Variants in WBP2NL observed in about 807,000 individuals in gnomAD.
WBP2NL encodes the protein postacrosomal sheath WW domain-binding protein.
In WBP2NL, 27 loss-of-function variants were observed where a neutral mutation model predicts 23.3. The observed-to-expected ratio is 1.16, with a 90% CI of 0.85 to 1.60. The LOEUF (loss-of-function observed/expected upper bound fraction) is 1.60. Ranked by LOEUF, WBP2NL falls within the 40% of genes most tolerant of loss-of-function variation. WBP2NL has a pLI of 0.00. For synonymous variants in WBP2NL, 151 were observed against 145.9 expected (o/e 1.03, Z -0.25); for missense variants, 370 against 389.5 (o/e 0.95, Z 0.42).
chr22:42,016,408 T>C, intron 1 of WBP2NL, among the ~76,000 whole-genome samples: 1 of 152,214 alleles, frequency 6.6e-6, no homozygotes, highest in Admixed American at 6.5e-5. Flanking sequence ...TTTTTAAAAA[T>C]AAGTGTGTTC....
intron 8 of WBP2NL, among the ~76,000 whole-genome samples, chr22:42,039,303 T>C (rs371668798): frequency 1.3e-4 from 19 of 151,614 alleles, no homozygotes; most frequent in African/African-American, 4.6e-4. Context: ...GTCGAACTCC[T>C]GACCTCAGGT....
At chr22:42,049,695 CAAAACAAAACAAAA>C (rs1925749688) in intron 8 of WBP2NL, among the ~76,000 whole-genome samples, 7 of 22,876 alleles carry the variant, frequency 3.1e-4, no homozygotes, top group East Asian at 3.0e-3. Flanking sequence ...GTCTCCAAAA[CAAAACAAAACAAAA>C]AAAAAAAAAA....
chr22:42,044,507 A>C (rs1024168628), intron 8 of WBP2NL, among the ~76,000 whole-genome samples: 13 of 152,238 alleles, frequency 8.5e-5, no homozygotes, highest in Admixed American at 8.5e-4. Flanking sequence ...AAGATGAATA[A>C]AAATTTTGGT....
At position 42,026,817 on chromosome 22, in the gene WBP2NL, A is replaced by G. The variant is rs758853430; in HGVS notation, c.566A>G (p.Tyr189Cys). Residue 189 changes from tyrosine to cysteine, a missense_variant, in exon 6 of 6, where the codon TAC becomes TGC. By Grantham distance (194) the Tyr-to-Cys change is radical. Coordinates refer to ENST00000328823, the MANE Select transcript of WBP2NL (RefSeq NM_152613.3). ...GGATATGGAGCCCCACCTCCCGGAT[A>G]CGGAGCCCCACCTGCAGGATATGGA... ...PAGYGAPPPG[Y>C]GAPPAGYGAQ... 4.3e-6 allele frequency: 7 copies of G among 1,613,760 alleles called. No homozygotes were observed. The highest frequency in any genetic ancestry group is 5.1e-6 in the Non-Finnish European group (6 of 1,179,890).
At chr22:42,056,544 T>C (rs1926037636) in intron 8 of WBP2NL, among the ~76,000 whole-genome samples, 1 of 152,178 alleles carries the variant, frequency 6.6e-6, no homozygotes, top group Non-Finnish European at 1.5e-5. Flanking sequence ...CCTTTAGTAT[T>C]TTATGTAGGG....
rs561740117 is a variant in WBP2NL, at chr22:42,000,979, G to A, written c.62+2099G>A. 3.0e-5 allele frequency: 14 copies of A among 468,126 alleles called. No individual in the cohort carries two copies. In the South Asian group the frequency reaches 3.6e-4, roughly 12 times the overall value. The allele number at this position is 468,126 out of a possible 1,614,324, so 29.0% of individuals were successfully genotyped here. A position where few individuals can be genotyped will look rare whatever the true frequency, so the allele number is the denominator to read the frequency against. On this transcript the variant is annotated intron_variant, in intron 1 of 5. Coordinates refer to ENST00000328823, the MANE Select transcript of WBP2NL (RefSeq NM_152613.3). ...CTGCACTCCACCCTGGGCAATAGAGGGAGACTCCGTCTCAAAAAAAAAGAA... is the reference window on the plus strand; with the variant it reads ...CTGCACTCCACCCTGGGCAATAGAGAGAGACTCCGTCTCAAAAAAAAAGAA...
rs932634651 is a variant in WBP2NL, at chr22:42,027,519, T to G, written c.*338T>G. ...TTCCCATCCTCATTCAAGAAACATT[T>G]ATTATGCTCCGTTTGCTAGGCACTA... On this transcript the variant is annotated 3_prime_UTR_variant, in exon 6 of 6. Transcript: ENST00000328823. 2 of 310,356 alleles carry G rather than the reference T, an allele frequency of 6.4e-6. No homozygotes were observed. Among genetic ancestry groups the G allele is most frequent in the African/African-American group, 4.3e-5 (2 of 46,928 alleles). The allele number at this position is 310,356 out of a possible 1,614,324, so 19.2% of individuals were successfully genotyped here. A position where few individuals can be genotyped will look rare whatever the true frequency, so the allele number is the denominator to read the frequency against.
At chr22:42,024,774 T>C (rs1379364572) in intron 5 of WBP2NL, among the ~76,000 whole-genome samples, 1 of 151,854 alleles carries the variant, frequency 6.6e-6, no homozygotes, top group Non-Finnish European at 1.5e-5. Flanking sequence ...TAAATATTTT[T>C]AGGTTTTCTT....
At chr22:42,054,347 ATT>A (rs774410235) in intron 8 of WBP2NL, among the ~76,000 whole-genome samples, 13 of 141,456 alleles carry the variant, frequency 9.2e-5, no homozygotes, top group African/African-American at 2.6e-4. Context: ...TGCCCAGGTA[ATT>A]TTTTTTTTTT....
chr22:42,019,590 A>G, intron 2 of WBP2NL, 72 bp from the exon 3 acceptor site: 1 of 1,594,818 alleles, frequency 6.3e-7, no homozygotes, highest in Admixed American at 1.7e-5. Flanking sequence ...ACCAGAATGC[A>G]CCTTGCTCTT....
chr22:42,020,850 A>T lies in WBP2NL; in HGVS notation c.406+754A>T, dbSNP rs567057900. On this transcript the variant is annotated intron_variant, in intron 4 of 5. Transcript: ENST00000328823. ...ACTACAAATAATTTTTTTATCTCAT[A>T]TATGTGTGTGTGTGTGTGTATATAT... is the stretch of plus-strand genomic sequence containing the variant. Among the ~76,000 whole-genome samples, 7 of 29,834 alleles carry T rather than the reference A, an allele frequency of 2.3e-4. 2 individuals are homozygous for T. In the South Asian group the frequency reaches 6.6e-3, roughly 28 times the overall value. 19.6% of individuals were successfully genotyped at this position (29,834 alleles called of 152,430 possible). A position where few individuals can be genotyped will look rare whatever the true frequency, so the allele number is the denominator to read the frequency against.
At chr22:42,006,297 T>A (rs1281036172) in intron 1 of WBP2NL, among the ~76,000 whole-genome samples, 1 of 151,506 alleles carries the variant, frequency 6.6e-6, no homozygotes, top group African/African-American at 2.4e-5. Flanking sequence ...CTCCGCTCAC[T>A]GCAAGCTCTG....
intron 8 of WBP2NL, among the ~76,000 whole-genome samples, chr22:42,052,446 T>C (rs543626323): frequency 6.6e-6 from 1 of 151,956 alleles, no homozygotes; most frequent in Non-Finnish European, 1.5e-5. Context: ...GCCCAGCTAA[T>C]TTTTTGTATT....
chr22:42,002,029 G>T, intron 1 of WBP2NL: 1 of 570,622 alleles, frequency 1.8e-6, no homozygotes, highest in Non-Finnish European at 2.8e-6. Flanking sequence ...TTGACTCCGG[G>T]GCTGATTGTG....
chr22:42,018,997 C>T (rs1371866551), intron 1 of WBP2NL, among the ~76,000 whole-genome samples: 1 of 150,326 alleles, frequency 6.7e-6, no homozygotes, highest in East Asian at 2.0e-4. Flanking sequence ...CTGAGGCGGG[C>T]GGATCACAAG....
chr22:42,022,167 C>A, intron 4 of WBP2NL, 82 bp from the exon 5 acceptor site: 1 of 1,120,536 alleles, frequency 8.9e-7, no homozygotes, highest in Non-Finnish European at 1.4e-6. Flanking sequence ...TGATTAAATA[C>A]TCTGTTAATT....
At chr22:42,007,399 A>G (rs1461257569) in intron 1 of WBP2NL, among the ~76,000 whole-genome samples, 1 of 152,358 alleles carries the variant, frequency 6.6e-6, no homozygotes, top group East Asian at 1.9e-4. Flanking sequence ...TATAAAAATC[A>G]TTGTTCAAAA....
At chr22:41,999,153 A>C (rs1228521409) in intron 1 of WBP2NL, among the ~76,000 whole-genome samples, 1 of 72,546 alleles carries the variant, frequency 1.4e-5, no homozygotes, top group Admixed American at 1.4e-4. Flanking sequence ...ATGTCTCCTC[A>C]GGGCGGGGCG....
chr22:42,035,213 C>A (rs1036066437), downstream of WBP2NL, among the ~76,000 whole-genome samples: 3 of 152,274 alleles, frequency 2.0e-5, no homozygotes, highest in African/African-American at 4.8e-5. Context: ...AATCCACATT[C>A]TTCTGTCATG....
Sources: allele counts gnomAD v4.1 joint callset (sites outside exome capture counted in the v4.1 genomes callset), GRCh38; gene constraint gnomAD v4.1.1; transcripts MANE v1.5; gene names NCBI Gene and HGNC (gene_info 2026-07-23, HGNC 2026-07-21).